Variants in PTK2 observed in about 807,000 individuals in gnomAD.
PTK2 encodes the protein focal adhesion kinase 1.
Under a neutral mutation model 150.1 loss-of-function variants are expected in PTK2, and 45 were observed. The ratio of observed to expected loss-of-function variants is 0.30; its 90% CI spans 0.24 to 0.38. The LOEUF (loss-of-function observed/expected upper bound fraction) is 0.38, where lower values mean the gene tolerates loss of function less well. PTK2 is among the 10% of genes least tolerant of loss of function. PTK2 has a pLI of 1.00. For synonymous variants in PTK2, 432 were observed against 449.2 expected, an observed-to-expected ratio of 0.96 and a Z score of 0.48; for missense variants, 919 against 1,307.3, an observed-to-expected ratio of 0.70 and a Z score of 4.58.
intron 29 of PTK2, chr8:140,673,996 T>C: frequency 2.0e-6 from 1 of 497,858 alleles, no homozygotes; most frequent in South Asian, 1.6e-5. Flanking sequence ...CACTTTGTTC[T>C]AAAGAAAACA....
chr8:140,814,320 C>G (rs1021580656), intron 10 of PTK2, among the ~76,000 whole-genome samples: 5 of 152,210 alleles, frequency 3.3e-5, no homozygotes, highest in African/African-American at 1.2e-4. Flanking sequence ...CAGAATTATT[C>G]TGATACCAAA....
At position 140,978,948 on chromosome 8, in the gene PTK2, T is replaced by C. The variant is rs1048972517; in HGVS notation, c.-122+22177A>G. 7.2e-5 allele frequency among the ~76,000 whole-genome samples: 11 copies of C among 152,056 alleles called. No individual in the cohort carries two copies. The East Asian group carries it at 1.4e-3, about 19-fold the overall frequency. On this transcript the variant is annotated intron_variant, in intron 1 of 31. Transcript: ENST00000522684. The stretch of plus-strand genomic sequence containing the variant: ...GCAGCCATAAAAAAGGATGAGTTCA[T>C]GTCCTTTGTAGGGACATGGATGAAG...
At chr8:140,888,821 T>C (rs1568240064) in intron 3 of PTK2, among the ~76,000 whole-genome samples, 1 of 152,208 alleles carries the variant, frequency 6.6e-6, no homozygotes. Context: ...CCCTCCTGTA[T>C]GAATGCCCTA....
intron 23 of PTK2, among the ~76,000 whole-genome samples, chr8:140,710,666 G>A (rs536863719): frequency 6.6e-6 from 1 of 152,244 alleles, no homozygotes; most frequent in South Asian, 2.1e-4. Flanking sequence ...GTGAGACTCT[G>A]TCTCAAAAAA....
At chr8:140,787,235 C>T (rs941260918) in intron 14 of PTK2, among the ~76,000 whole-genome samples, 2 of 152,060 alleles carry the variant, frequency 1.3e-5, no homozygotes, top group African/African-American at 4.8e-5. Flanking sequence ...GGTGTTAAAG[C>T]CAGACATTAG....
chr8:140,819,139 C>G (rs1191668011), intron 8 of PTK2, 119 bp from the exon 9 acceptor site: 2 of 972,858 alleles, frequency 2.1e-6, no homozygotes, highest in African/African-American at 3.4e-5. Context: ...CAAATTACTG[C>G]CAAAAAGTAT....
intron 1 of PTK2, chr8:140,940,511 T>A (rs1241592532): frequency 1.3e-5 from 2 of 151,968 alleles, no homozygotes; most frequent in East Asian, 3.9e-4. Flanking sequence ...GGATCCTGTA[T>A]CAAGGGTAAG....
At chr8:140,834,201 G>A (rs1243334649) in intron 7 of PTK2, among the ~76,000 whole-genome samples, 1 of 152,160 alleles carries the variant, frequency 6.6e-6, no homozygotes, top group African/African-American at 2.4e-5. Context: ...AGGGCTTGGT[G>A]CTGTGGGCCC....
chr8:140,727,359 T>G (rs1254708860), intron 22 of PTK2, among the ~76,000 whole-genome samples: 1 of 152,134 alleles, frequency 6.6e-6, no homozygotes, highest in Non-Finnish European at 1.5e-5. Context: ...CTGGGAAGAC[T>G]GCGGGCCAAA....
At chr8:140,661,463 G>A (rs1041719365) in intron 31 of PTK2, among the ~76,000 whole-genome samples, 2 of 152,206 alleles carry the variant, frequency 1.3e-5, no homozygotes, top group African/African-American at 4.8e-5. Context: ...GTCACTGACT[G>A]TGGAAGCAAA....
At chr8:140,982,913 A>G (rs2100191995) in intron 1 of PTK2, among the ~76,000 whole-genome samples, 1 of 152,222 alleles carries the variant, frequency 6.6e-6, no homozygotes, top group Admixed American at 6.5e-5. Context: ...ATATGTTTGA[A>G]AACTTCTACA....
intron 1 of PTK2, among the ~76,000 whole-genome samples, chr8:140,948,395 G>A (rs1330753090): frequency 6.6e-6 from 1 of 152,092 alleles, no homozygotes; most frequent in East Asian, 1.9e-4. Flanking sequence ...TGGAACTGGG[G>A]GGAAGGGTCA....
intron 20 of PTK2, among the ~76,000 whole-genome samples, chr8:140,742,723 A>G (rs1187955863): frequency 4.6e-5 from 7 of 152,086 alleles, no homozygotes; most frequent in Non-Finnish European, 8.8e-5. Flanking sequence ...ATTTTTACTA[A>G]GTTTTAAGAG....
Position 140,803,005 on chromosome 8 carries a change from CTTTTTTTT to C in PTK2, c.975+530_975+537del, listed in dbSNP as rs778981723. 9.9e-3 allele frequency among the ~76,000 whole-genome samples: 769 copies of C among 77,338 alleles called. 11 individuals carry two copies. The highest frequency in any genetic ancestry group is 0.035 in the African/African-American group (709 of 20,236). The allele number at this position is 77,338 out of a possible 152,430, so 50.7% of individuals were successfully genotyped here. A position where few individuals can be genotyped will look rare whatever the true frequency, so the allele number is the denominator to read the frequency against. Reference sequence around the variant, plus strand: ...AATTTCCTTGGTACTTGATGACAATCTTTTTTTTTTTTTTTTTTTTTTTTTTTGAGACA... The same window carrying C: ...AATTTCCTTGGTACTTGATGACAATCTTTTTTTTTTTTTTTTTTTGAGACA... On this transcript the variant is annotated intron_variant, in intron 11 of 31. Coordinates refer to ENST00000522684, the Ensembl canonical transcript of PTK2.
chr8:140,716,391 CTGT>C (rs1191475936), intron 23 of PTK2, among the ~76,000 whole-genome samples: 2 of 152,124 alleles, frequency 1.3e-5, no homozygotes, highest in Admixed American at 1.3e-4. Context: ...TAAGGATTTC[CTGT>C]TGTTGTTAAG....
chr8:140,934,430 T>TCA (rs1228050731), intron 1 of PTK2: 3 of 143,718 alleles, frequency 2.1e-5, no homozygotes, highest in Non-Finnish European at 4.7e-5. Context: ...CTCTAAAAAA[T>TCA]AAAAAAATAA....
At position 140,963,709 on chromosome 8, in the gene PTK2, G is replaced by C. The variant is rs542019018; in HGVS notation, c.-122+37416C>G. 1.5e-4 allele frequency among the ~76,000 whole-genome samples: 23 copies of C among 152,252 alleles called. No individual in the cohort carries two copies. The East Asian group carries it at 3.9e-3, about 26-fold the overall frequency. On this transcript the variant is annotated intron_variant, in intron 1 of 31. Coordinates refer to ENST00000522684, the Ensembl canonical transcript of PTK2. ...TATTAGAAATTCTTTGCTTTGAAAA[G>C]CAATTTTCCAACTGTGTTCCCTATT...
intron 1 of PTK2, among the ~76,000 whole-genome samples, chr8:140,957,470 G>A (rs986232853): frequency 1.3e-5 from 2 of 152,082 alleles, no homozygotes; most frequent in Non-Finnish European, 2.9e-5. Context: ...AGTAAGCTAC[G>A]GTTATTACTG....
intron 2 of PTK2, chr8:140,909,201 AG>A: frequency 6.5e-6 from 1 of 154,306 alleles, no homozygotes. Context: ...AGGGAAGGGG[AG>A]GGGTGAAACT....
Sources: gnomAD v4.1 joint callset for allele counts (sites outside exome capture counted in the v4.1 genomes callset) on GRCh38, gnomAD v4.1.1 for gene constraint, MANE v1.5 for transcripts, NCBI Gene and HGNC (gene_info 2026-07-23, HGNC 2026-07-21) for gene names.